Variants in SLC2A11 observed in about 807,000 individuals in gnomAD.
SLC2A11 encodes solute carrier family 2 member 11, also known as solute carrier family 2, facilitated glucose transporter member 11.
SLC2A11 carries 43 observed loss-of-function variants against 52.1 expected under a neutral mutation model. The ratio of observed to expected loss-of-function variants is 0.82; its 90% confidence interval spans 0.65 to 1.06. The LOEUF is 1.06. Among genes scored for constraint, SLC2A11 ranks in the 50% least tolerant of loss-of-function variants. The pLI is 0.00. For synonymous variants in SLC2A11, 261 were observed against 277.6 expected (o/e 0.94, Z 0.59); for missense variants, 582 against 654.2 (o/e 0.89, Z 1.20).
rs976931046 is a variant in SLC2A11 at position 23,877,399 on chromosome 22, A to G, written c.545+228A>G. ...ATCCTCTCCAGGTCAGGGAGCAAAG[A>G]ACAGGTCTTCACAGAGGAGAGGGTG... On this transcript the variant is annotated intron_variant, in intron 5 of 11. Coordinates refer to ENST00000316185, the MANE Select transcript of SLC2A11 (RefSeq NM_001024939.4). 1.7e-5 allele frequency: 14 copies of G among 832,142 alleles called. No homozygotes were observed. The African/African-American group carries it at 2.4e-4, about 14-fold the overall frequency. The allele number at this position is 832,142 out of a possible 1,614,324, so 51.5% of individuals were successfully genotyped here.
intron 6 of SLC2A11, among the ~76,000 whole-genome samples, chr22:23,878,101 T>C (rs1316466545): frequency 2.0e-5 from 3 of 152,166 alleles, no homozygotes; most frequent in Non-Finnish European, 4.4e-5. Context: ...ACTCAAGAAC[T>C]CCAGAGCGGT....
At chr22:23,873,331 A>ATGTGTGTGTG (rs1568990950) in intron 3 of SLC2A11, 24 of 150,126 alleles carry the variant, frequency 1.6e-4, no homozygotes, top group African/African-American at 6.0e-4. Context: ...GTGTGTGTGC[A>ATGTGTGTGTG]CGCGTGTGTG....
At chr22:23,866,313 C>T (rs1041497122) in intron 2 of SLC2A11, 2 of 155,246 alleles carry the variant, frequency 1.3e-5, no homozygotes, top group African/African-American at 2.4e-5. Context: ...GTTCCTCCCC[C>T]GAGAGGCAGC....
At chr22:23,879,876 A>G (rs2032743016) in intron 6 of SLC2A11, 2 of 152,324 alleles carry the variant, frequency 1.3e-5, no homozygotes, top group East Asian at 1.9e-4. Context: ...GCGTTGCACA[A>G]TGTGCTGCTT....
At chr22:23,878,427 C>A (rs1473749361) in intron 6 of SLC2A11, among the ~76,000 whole-genome samples, 1 of 152,162 alleles carries the variant, frequency 6.6e-6, no homozygotes, top group African/African-American at 2.4e-5. Context: ...AGCCATTCAG[C>A]TTTGCTGCAC....
intron 3 of SLC2A11, among the ~76,000 whole-genome samples, chr22:23,873,734 A>G (rs570783363): frequency 3.9e-5 from 6 of 152,332 alleles, no homozygotes; most frequent in Non-Finnish European, 7.3e-5. Flanking sequence ...TGAAGTACTT[A>G]ATTATTATTA....
chr22:23,870,094 A>C (rs1427606530), intron 3 of SLC2A11: 1 of 715,908 alleles, frequency 1.4e-6, no homozygotes. Context: ...TAGCACCAGC[A>C]CTGGATCAGC....
chr22:23,870,326 C>T (rs1601497447), intron 3 of SLC2A11: 1 of 410,242 alleles, frequency 2.4e-6, no homozygotes, highest in African/African-American at 2.1e-5. Context: ...CTGTTCCCCT[C>T]CCCAGGACAG....
chr22:23,877,751 C>A lies in SLC2A11; in HGVS notation c.576C>A (p.Pro192=). 6.2e-7 allele frequency: 1 copy of A among 1,604,698 alleles called. No individual in the cohort carries two copies. The highest frequency in any genetic ancestry group is 2.2e-5 in the East Asian group (1 of 44,568). The change falls in exon 6 of 12, where the codon CCC becomes CCA. Residue 192 remains proline (P), a synonymous_variant. Transcript: ENST00000316185. ...TCCTAGGTGGCCCTCAGGCCTGGCC[C>A]CTGCTGCTGGCCAGCTGCCTGGTGC... is the stretch of plus-strand genomic sequence containing the variant. ...RELLGGPQAW[P]LLLASCLVPG...
chr22:23,883,619 C>T (rs1211685990), intron 8 of SLC2A11, 153 bp from the exon 9 acceptor site: 2 of 609,972 alleles, frequency 3.3e-6, no homozygotes, highest in South Asian at 2.8e-5. Context: ...ATTGATTGAC[C>T]AAGTTCCTTT....
chr22:23,878,709 C>T (rs1407494695), intron 6 of SLC2A11, among the ~76,000 whole-genome samples: 1 of 152,206 alleles, frequency 6.6e-6, no homozygotes, highest in Admixed American at 6.5e-5. Context: ...TCTTCTCTGT[C>T]ACCATGGCCG....
At chr22:23,877,229 C>G in intron 5 of SLC2A11, 58 bp downstream of exon 5, 9 of 1,571,990 alleles carry the variant, frequency 5.7e-6, no homozygotes, top group Non-Finnish European at 7.8e-6. Flanking sequence ...AAAAGCGTTT[C>G]TTCACCTAAA....
Position 23,882,495 on chromosome 22 carries a change from G to GGGAGCTGGA in SLC2A11, c.745_753dup (p.Leu249_Glu251dup), listed in dbSNP as rs899746379. On this transcript the variant is annotated inframe_insertion, in exon 7 of 12. Transcript: ENST00000316185. The stretch of plus-strand genomic sequence containing the variant: ...CTCCGGGGCTCCGGGGACTTGGCAG[G>GGGAGCTGGA]GGAGCTGGAGGAGCTGGAGGAGGAG... 1.3e-6 allele frequency: 2 copies of GGGAGCTGGA among 1,569,546 alleles called. No individual in the cohort carries two copies. Among genetic ancestry groups the GGGAGCTGGA allele is most frequent in the African/African-American group, 2.7e-5 (2 of 73,750 alleles).
intron 8 of SLC2A11, chr22:23,883,139 G>C (rs1190138211): frequency 2.1e-6 from 1 of 474,882 alleles, no homozygotes; most frequent in Admixed American, 3.1e-5. Context: ...GCGGGCGCCT[G>C]TAATCCCAGG....
At position 23,885,991 on chromosome 22, in the gene SLC2A11, A is replaced by G. The variant is rs1408445314; in HGVS notation, c.*1142A>G. ...CAAGGCACCCACATGCCCATTTGCT[A>G]TCAGTAACCCACCCCAGTCCCAGAC... is the stretch of plus-strand genomic sequence containing the variant. On this transcript the variant is annotated 3_prime_UTR_variant, in exon 12 of 12. Coordinates refer to ENST00000316185, the MANE Select transcript of SLC2A11 (RefSeq NM_001024939.4). The G allele has an allele frequency of 2.0e-5, 3 of 152,126 alleles. No individual in the cohort carries two copies. The highest frequency in any genetic ancestry group is 4.8e-5 in the African/African-American group (2 of 41,418). 9.4% of individuals were successfully genotyped at this position (152,126 alleles called of 1,614,324 possible). A position where few individuals can be genotyped will look rare whatever the true frequency, so the allele number is the denominator to read the frequency against.
rs148840387 is a variant in SLC2A11 at position 23,870,196 on chromosome 22, C to T, written c.290+1555C>T. On this transcript the variant is annotated intron_variant, in intron 3 of 11. Transcript: ENST00000316185. ...AGTGGGGCTCTTCCCACGAAGAAGA[C>T]GGAGGTAATAACTATTGCGCGGCTA... 2,408 of 608,926 alleles carry T rather than the reference C, an allele frequency of 4.0e-3. 8 individuals carry two copies. Among genetic ancestry groups the T allele is most frequent in the Non-Finnish European group, 5.6e-3 (1,910 of 338,688 alleles). The allele number at this position is 608,926 out of a possible 1,614,324, so 37.7% of individuals were successfully genotyped here. A position where few individuals can be genotyped will look rare whatever the true frequency, so the allele number is the denominator to read the frequency against.
chr22:23,865,415 T>A (rs2032226779), intron 2 of SLC2A11: 1 of 151,906 alleles, frequency 6.6e-6, no homozygotes, highest in Non-Finnish European at 1.5e-5. Context: ...AAACTCCATC[T>A]CAAAAACAAA....
intron 3 of SLC2A11, 49 bp from the exon 4 acceptor site, chr22:23,875,068 G>T (rs200061784): frequency 6.7e-7 from 1 of 1,485,750 alleles, no homozygotes; most frequent in Non-Finnish European, 9.0e-7. Flanking sequence ...GGATGGTCCC[G>T]CTGGACTGAA....
chr22:23,857,234 A>G (rs997254371), upstream of SLC2A11: 2 of 723,742 alleles, frequency 2.8e-6, no homozygotes, highest in Non-Finnish European at 4.6e-6. Context: ...CAGACCAGCG[A>G]GAGACAGAGA....
Sources: gnomAD v4.1 joint callset for allele counts (sites outside exome capture counted in the v4.1 genomes callset) on GRCh38, gnomAD v4.1.1 for gene constraint, MANE v1.5 for transcripts, NCBI Gene and HGNC (gene_info 2026-07-23, HGNC 2026-07-21) for gene names.